The following IRF2 variants were observed in gnomAD, a reference collection of about 807,000 sequenced individuals.
IRF2 encodes interferon regulatory factor 2.
IRF2 carries 15 observed loss-of-function variants against 40.6 expected under a neutral mutation model. The observed-to-expected ratio is 0.37, with a 90% CI of 0.25 to 0.57. IRF2 has a LOEUF of 0.57. IRF2 is among the 20% of genes least tolerant of loss of function. The pLI, the probability that IRF2 is intolerant of heterozygous loss-of-function variation, is 0.77. For missense variants in IRF2, 317 were observed against 455.7 expected, an observed-to-expected ratio of 0.70 and a Z score of 2.77; for synonymous variants, 151 against 165.5, an observed-to-expected ratio of 0.91 and a Z score of 0.67.
chr4:184,392,274 C>T lies in IRF2; in HGVS notation c.695-1525G>A, dbSNP rs3775546. Among the ~76,000 whole-genome samples the T allele has an allele frequency of 9.9e-5, 15 of 152,284 alleles. 1 individual carries two copies. In the East Asian group the frequency reaches 2.9e-3, roughly 29 times the overall value. ...AATAGCTTCTCTTCCTGATGGCAAC[C>T]TTTAACTGCCTTTCCTCCTATTTAG... On this transcript the variant is annotated intron_variant, in intron 7 of 8. Transcript: ENST00000393593.
rs190806764 is a variant in IRF2 at position 184,401,721 on chromosome 4, G to A, written c.530-2642C>T. Among the ~76,000 whole-genome samples, 311 of 152,340 alleles carry A rather than the reference G, an allele frequency of 2.0e-3. 1 individual carries two copies. Among genetic ancestry groups the A allele is most frequent in the Middle Eastern group, 0.017 (5 of 294 alleles). On this transcript the variant is annotated intron_variant, in intron 6 of 8. Coordinates refer to ENST00000393593, the MANE Select transcript of IRF2 (RefSeq NM_002199.4). ...TCCTAAGAAGCAGCTGGTGGGTGGAGGTAGAAACCAAATGGGGTGTGAGAG... is the reference window on the plus strand; with the variant it reads ...TCCTAAGAAGCAGCTGGTGGGTGGAAGTAGAAACCAAATGGGGTGTGAGAG...
intron 5 of IRF2, among the ~76,000 whole-genome samples, chr4:184,414,923 A>C (rs1737210391): frequency 6.6e-6 from 1 of 152,216 alleles, no homozygotes; most frequent in Non-Finnish European, 1.5e-5. Context: ...GGATAGACTA[A>C]GTAGGTTTAG....
chr4:184,389,262 G>C (rs976245520), intron 8 of IRF2, among the ~76,000 whole-genome samples, 196 bp from the exon 9 acceptor site: 1 of 151,966 alleles, frequency 6.6e-6, no homozygotes, highest in South Asian at 2.1e-4. Flanking sequence ...TCTACAAAAC[G>C]TAAGAATTAG....
At chr4:184,461,078 G>A (rs1739127880) in intron 1 of IRF2, among the ~76,000 whole-genome samples, 1 of 152,282 alleles carries the variant, frequency 6.6e-6, no homozygotes, top group Non-Finnish European at 1.5e-5. Flanking sequence ...TTACCGCGGG[G>A]GGCAGGAGTA....
chr4:184,419,312 A>T (rs528484766), intron 3 of IRF2, among the ~76,000 whole-genome samples, 157 bp downstream of exon 3: 2 of 152,276 alleles, frequency 1.3e-5, no homozygotes, highest in Non-Finnish European at 2.9e-5. Context: ...TGAGGGCTGC[A>T]GTTTGTACCC....
intron 6 of IRF2, among the ~76,000 whole-genome samples, chr4:184,399,990 A>C (rs1736609770): frequency 6.6e-6 from 1 of 152,232 alleles, no homozygotes; most frequent in Admixed American, 6.5e-5. Flanking sequence ...CAATATCGCA[A>C]CCAGAGTATT....
Position 184,429,187 on chromosome 4 carries a change from A to C in IRF2, c.-6-117T>G. The C allele has an allele frequency of 7.5e-4, 308 of 413,228 alleles. 1 individual carries two copies. The highest frequency in any genetic ancestry group is 1.1e-3 in the Non-Finnish European group (237 of 207,074). 25.6% of individuals were successfully genotyped at this position (413,228 alleles called of 1,614,324 possible). The stretch of plus-strand genomic sequence containing the variant: ...CTCTCCTTTCCTGGGGCTGGGGACC[A>C]GGGGGCTGGGGGGTCGGTGTACTCA... On this transcript the variant is annotated intron_variant, in intron 1 of 8. Transcript: ENST00000393593.
At chr4:184,392,300 T>A (rs947480918) in intron 7 of IRF2, among the ~76,000 whole-genome samples, 19 of 152,194 alleles carry the variant, frequency 1.2e-4, no homozygotes, top group African/African-American at 4.6e-4. Flanking sequence ...TCCTATTTAG[T>A]TCCAATGCTG....
intron 1 of IRF2, among the ~76,000 whole-genome samples, chr4:184,468,237 G>A (rs909691119): frequency 1.3e-5 from 2 of 152,062 alleles, no homozygotes; most frequent in African/African-American, 4.8e-5. Context: ...CCTGTAATCC[G>A]AATACTTTGG....
At chr4:184,466,408 A>T (rs1366966090) in intron 1 of IRF2, among the ~76,000 whole-genome samples, 1 of 152,172 alleles carries the variant, frequency 6.6e-6, no homozygotes, top group Non-Finnish European at 1.5e-5. Context: ...CCCTGATTCC[A>T]TATTTACCTC....
chr4:184,393,546 C>T (rs1467495648), intron 7 of IRF2, among the ~76,000 whole-genome samples: 1 of 152,224 alleles, frequency 6.6e-6, no homozygotes, highest in African/African-American at 2.4e-5. Flanking sequence ...TAAGACCTTG[C>T]ACCGCCCATG....
In IRF2 at chr4:184,388,989, C is replaced by T. The variant is rs2149889339; in HGVS notation, c.819G>A (p.Leu273=). The T allele has an allele frequency of 6.2e-7, 1 of 1,614,198 alleles. No individual in the cohort carries two copies. Among genetic ancestry groups the T allele is most frequent in the Non-Finnish European group, 8.5e-7 (1 of 1,180,032 alleles). Residue 273 remains leucine (L), a synonymous_variant, in exon 9 of 9, where the codon CTG becomes CTA. Transcript: ENST00000393593. The surrounding 1 kb of genome is among the most constrained non-coding windows in gnomAD (Gnocchi z 4.6). ...LSNMGTRGSY[L]LPGMASFVTS... ...TGACGAAGGACGCCATGCCGGGCAG[C>T]AGGTAGGAGCCTCGAGTCCCCATGT...
At chr4:184,455,168 C>A (rs1738867851) in intron 1 of IRF2, among the ~76,000 whole-genome samples, 1 of 151,796 alleles carries the variant, frequency 6.6e-6, no homozygotes, top group African/African-American at 2.4e-5. Context: ...TCCCACCTTT[C>A]TAACCTCTTG....
At chr4:184,402,845 T>C (rs1473764571) in intron 6 of IRF2, among the ~76,000 whole-genome samples, 1 of 152,100 alleles carries the variant, frequency 6.6e-6, no homozygotes, top group Non-Finnish European at 1.5e-5. Context: ...TTGACTATGG[T>C]GGTAGTTACA....
chr4:184,447,335 A>C (rs539364200), intron 1 of IRF2, among the ~76,000 whole-genome samples: 1 of 152,334 alleles, frequency 6.6e-6, no homozygotes, highest in East Asian at 1.9e-4. Flanking sequence ...CATTGAACAA[A>C]ATTGGAATCT....
chr4:184,409,234 G>A (rs896357886), intron 5 of IRF2, among the ~76,000 whole-genome samples: 23 of 152,186 alleles, frequency 1.5e-4, no homozygotes, highest in Non-Finnish European at 2.6e-4. Context: ...AGACGTGACT[G>A]TGCTTGGAAA....
chr4:184,407,890 C>T (rs112743465), intron 6 of IRF2, among the ~76,000 whole-genome samples: 2,033 of 152,278 alleles, frequency 0.013, 45 homozygotes, highest in African/African-American at 0.047. Flanking sequence ...ACTGGGATCG[C>T]TAGCCACGAG....
At position 184,418,659 on chromosome 4, in the gene IRF2, C is replaced by T. The variant is rs762752435; in HGVS notation, c.237G>A (p.Ala79=). 4 of 1,614,078 alleles carry T rather than the reference C, an allele frequency of 2.5e-6. No homozygotes were observed. The highest frequency in any genetic ancestry group is 1.3e-5 in the African/African-American group (1 of 75,030). ...AGGAATTCATGGCGCATCTGAAATT[C>T]GCCTTCCATGTTTTGGGATCAGGTT... ...VDKPDPKTWK[A]NFRCAMNSLP... is the part of the protein sequence containing the mutation. Residue 79 remains alanine (A), a synonymous_variant, in exon 4 of 9, where the codon GCG becomes GCA. Coordinates refer to ENST00000393593, the MANE Select transcript of IRF2 (RefSeq NM_002199.4).
At chr4:184,466,797 A>G (rs1013659562) in intron 1 of IRF2, among the ~76,000 whole-genome samples, 1 of 152,122 alleles carries the variant, frequency 6.6e-6, no homozygotes, top group Non-Finnish European at 1.5e-5. Context: ...ACATGGTATA[A>G]CCTCCTACAC....
Sources: gnomAD v4.1 joint callset for allele counts (sites outside exome capture counted in the v4.1 genomes callset) on GRCh38, gnomAD v4.1.1 for gene constraint, Gnocchi (gnomAD v3.1) non-coding constraint, MANE v1.5 for transcripts, NCBI Gene and HGNC (gene_info 2026-07-23, HGNC 2026-07-21) for gene names.